Variants in OTOG observed in about 807,000 individuals in gnomAD.
OTOG encodes the protein otogelin.
A neutral mutation model predicts 313.8 loss-of-function variants in OTOG; 296 were observed. The observed-to-expected ratio is 0.94, with a 90% CI of 0.86 to 1.04. The LOEUF is 1.04. OTOG is among the 50% of genes least tolerant of loss of function. OTOG has a pLI of 0.00. For synonymous variants in OTOG, 1,533 were observed against 1,554.9 expected (o/e 0.99, Z 0.33); for missense variants, 3,948 against 3,840.1 (o/e 1.03, Z -0.74).
chr11:17,632,347 T>C, intron 42 of OTOG, 121 bp downstream of exon 42: 1 of 820,526 alleles, frequency 1.2e-6, no homozygotes, highest in East Asian at 3.3e-5. Context: ...CATTCATGGA[T>C]TTATGTACAT....
Position 17,559,181 on chromosome 11 carries a change from G to C in OTOG, c.1213+20G>C. 2 of 1,507,560 alleles carry C rather than the reference G, an allele frequency of 1.3e-6. No homozygotes were observed. Among genetic ancestry groups the C allele is most frequent in the Non-Finnish European group, 1.8e-6 (2 of 1,123,610 alleles). 93.4% of individuals were successfully genotyped at this position (1,507,560 alleles called of 1,614,324 possible). A position where few individuals can be genotyped will look rare whatever the true frequency, so the allele number is the denominator to read the frequency against. ...AATGCAGTAGGTGCAGCCCAGTAGT[G>C]GGGCAGGGAGGCCTTCAGGCTGTGG... On this transcript the variant is annotated intron_variant, in intron 11 of 55. Transcript: ENST00000399397.
intron 23 of OTOG, among the ~76,000 whole-genome samples, chr11:17,582,681 C>T (rs1004791514): frequency 6.6e-6 from 1 of 152,228 alleles, no homozygotes; most frequent in African/African-American, 2.4e-5. Flanking sequence ...GGTCCTATCT[C>T]ATTATGGCTT....
rs577439198 is a variant in OTOG at position 17,627,563 on chromosome 11, T to C, written c.6529-1570T>C. ...AACAACTTGCAGTCTTTTTTTGATA[T>C]GTCCTGGTCTGGTTTTTGTATCAGA... is the stretch of plus-strand genomic sequence containing the variant. On this transcript the variant is annotated intron_variant, in intron 39 of 55. Coordinates refer to ENST00000399397, the MANE Select transcript of OTOG (RefSeq NM_001292063.2). Among the ~76,000 whole-genome samples the C allele has an allele frequency of 3.9e-5, 6 of 152,320 alleles. No homozygotes were observed. The South Asian group carries it at 1.2e-3, about 32-fold the overall frequency.
At chr11:17,558,036 A>G in intron 8 of OTOG, 149 bp from the exon 9 acceptor site, 1 of 1,045,038 alleles carries the variant, frequency 9.6e-7, no homozygotes, top group African/African-American at 1.6e-5. Flanking sequence ...CTCAGTTGGG[A>G]AACCCTGATT....
chr11:17,619,982 TTTCC>T (rs577766076), intron 39 of OTOG, among the ~76,000 whole-genome samples: 386 of 152,324 alleles, frequency 2.5e-3, no homozygotes, highest in African/African-American at 8.9e-3. Context: ...AGTCTTGGTC[TTTCC>T]TTCATTTTTA....
Position 17,642,177 on chromosome 11 carries a change from G to A in OTOG, c.8346G>A (p.Thr2782=), listed in dbSNP as rs555007399. 1.9e-5 allele frequency: 30 copies of A among 1,550,132 alleles called. No homozygotes were observed. The highest frequency in any genetic ancestry group is 1.2e-4 in the Admixed American group (6 of 50,982). Residue 2782 remains threonine, a synonymous_variant, in exon 53 of 56, where the codon ACG becomes ACA. Transcript: ENST00000399397. ...ADCARHHCSS[T]PLGAVLVRSP... is the part of the protein sequence containing the mutation. ...GCGCCCGCCACCACTGCAGCAGCAC[G>A]CCCCTGGGTGCCGTGCTGGTCCGCT...
chr11:17,553,093 G>A (rs190239647), intron 4 of OTOG, 26 bp from the exon 5 acceptor site: 6 of 1,547,792 alleles, frequency 3.9e-6, no homozygotes, highest in East Asian at 2.4e-5. Context: ...GCTTGATGGG[G>A]CAATGACTCT....
At chr11:17,613,372 CCCTCCT>C (rs1590043932) in intron 38 of OTOG, among the ~76,000 whole-genome samples, 9 of 103,738 alleles carry the variant, frequency 8.7e-5, no homozygotes, top group Middle Eastern at 4.7e-3. Flanking sequence ...TTCCTTCCTT[CCCTCCT>C]TCCTTCCTTC....
chr11:17,631,925 A>G lies in OTOG; in HGVS notation c.6933+3A>G. The G allele has an allele frequency of 1.3e-6, 2 of 1,549,366 alleles. No homozygotes were observed. Among genetic ancestry groups the G allele is most frequent in the African/African-American group, 1.4e-5 (1 of 73,154 alleles). On this transcript the variant is annotated splice_donor_region_variant and intron_variant, in intron 41 of 55. Coordinates refer to ENST00000399397, the MANE Select transcript of OTOG (RefSeq NM_001292063.2). ...CCTTCAGTGCCTGCCACCGCTTTGT[A>G]TGTGCCAACTGGGTCCAGCACTGGG... is the stretch of plus-strand genomic sequence containing the variant.
chr11:17,549,609 C>G (rs1298899757), intron 3 of OTOG, among the ~76,000 whole-genome samples: 1 of 152,216 alleles, frequency 6.6e-6, no homozygotes, highest in Non-Finnish European at 1.5e-5. Flanking sequence ...AGTCTACTGG[C>G]AGAGCCAGGC....
At chr11:17,630,996 C>A in intron 40 of OTOG, among the ~76,000 whole-genome samples, 1 of 152,226 alleles carries the variant, frequency 6.6e-6, no homozygotes, top group East Asian at 1.9e-4. Flanking sequence ...GTCCTTCCAT[C>A]TTCTGGTTCT....
rs1161419639 is a variant in OTOG at position 17,640,991 on chromosome 11, G to A, written c.8090G>A (p.Gly2697Asp). The A allele has an allele frequency of 1.3e-6, 2 of 1,548,588 alleles. No individual in the cohort carries two copies. The highest frequency in any genetic ancestry group is 1.7e-6 in the Non-Finnish European group (2 of 1,146,988). The change falls in exon 51 of 56, where the codon GGC becomes GAC. Residue 2697 changes from glycine (G) to aspartate (D), a missense_variant. Physicochemically the swap from Gly to Asp is moderately conservative, Grantham distance 94. Coordinates refer to ENST00000399397, the MANE Select transcript of OTOG (RefSeq NM_001292063.2). ...ACAGTGGTGGAGCTCTCAGCAGATG[G>A]CGTGTGCCACACCTCCCGCTGCACC... is the stretch of plus-strand genomic sequence containing the variant. ...GQTVVELSAD[G>D]VCHTSRCTTV...
At chr11:17,629,356 A>T in intron 40 of OTOG, 40 bp downstream of exon 40, 1 of 1,516,868 alleles carries the variant, frequency 6.6e-7, no homozygotes, top group East Asian at 2.5e-5. Context: ...GATGCTTCCC[A>T]GGTCCACCTC....
chr11:17,640,801 C>G lies in OTOG; in HGVS notation c.7992C>G (p.Gly2664=), dbSNP rs1338947140. ...EFMHSVENVC[G]CAKYECVKAP... is the part of the protein sequence containing the mutation. ...TGCACAGCGTGGAGAATGTGTGTGG[C>G]TGCGCCAAGTACGAGTGTGGTGAGT... The change falls in exon 50 of 56, where the codon GGC becomes GGG. Residue 2664 remains glycine (G), a synonymous_variant. Coordinates refer to ENST00000399397, the MANE Select transcript of OTOG (RefSeq NM_001292063.2). 4 of 1,550,320 alleles carry G rather than the reference C, an allele frequency of 2.6e-6. No individual in the cohort carries two copies. In the Admixed American group the frequency reaches 7.8e-5, roughly 30 times the overall value.
Position 17,548,134 on chromosome 11 carries a change from G to A in OTOG, c.156-18G>A. 5 of 1,545,376 alleles carry A rather than the reference G, an allele frequency of 3.2e-6. No individual in the cohort carries two copies. Among genetic ancestry groups the A allele is most frequent in the Non-Finnish European group, 4.4e-6 (5 of 1,143,902 alleles). On this transcript the variant is annotated intron_variant, in intron 2 of 55. Transcript: ENST00000399397. The stretch of plus-strand genomic sequence containing the variant: ...CCATCCTAGCCCCCCATCCATGCCA[G>A]ACTCGTGTTTCCTCCAGCAGCAGCC...
At chr11:17,640,206 T>C (rs905997679) in intron 49 of OTOG, among the ~76,000 whole-genome samples, 4 of 152,118 alleles carry the variant, frequency 2.6e-5, no homozygotes, top group Non-Finnish European at 5.9e-5. Context: ...TGTGAGGTTG[T>C]TTCTGTTGTT....
chr11:17,589,992 C>T (rs1229735231), intron 24 of OTOG, among the ~76,000 whole-genome samples: 1 of 152,170 alleles, frequency 6.6e-6, no homozygotes, highest in African/African-American at 2.4e-5. Context: ...TTCTCCGCTT[C>T]CTTCATTGGT....
At chr11:17,594,214 G>C (rs1217873802) in intron 28 of OTOG, 48 bp downstream of exon 28, 3 of 1,549,006 alleles carry the variant, frequency 1.9e-6, no homozygotes, top group Non-Finnish European at 2.6e-6. Context: ...TCAGATGGGC[G>C]CTGCCAGCAC....
intron 8 of OTOG, 53 bp downstream of exon 8, chr11:17,557,376 G>C (rs569829765): frequency 7.9e-6 from 12 of 1,512,438 alleles, no homozygotes; most frequent in Non-Finnish European, 1.1e-5. Flanking sequence ...TGGGGGACAG[G>C]TCAGGCTGGG....
Sources: allele counts gnomAD v4.1 joint callset (sites outside exome capture counted in the v4.1 genomes callset), GRCh38; gene constraint gnomAD v4.1.1; transcripts MANE v1.5; gene names NCBI Gene and HGNC (gene_info 2026-07-23, HGNC 2026-07-21).